Variants in ELF1 observed in about 807,000 individuals in gnomAD.
ELF1 encodes ETS-related transcription factor Elf-1.
ELF1 carries 24 observed loss-of-function variants against 59.9 expected under a neutral mutation model. The observed-to-expected ratio is 0.40, with a 90% CI of 0.29 to 0.56. ELF1 has a LOEUF of 0.56. Ranked by LOEUF, ELF1 falls within the 20% of genes least tolerant of loss-of-function variation. ELF1 has a pLI of 0.44. For missense variants in ELF1, 627 were observed against 742.2 expected, an observed-to-expected ratio of 0.84 and a Z score of 1.80; for synonymous variants, 248 against 266.2, an observed-to-expected ratio of 0.93 and a Z score of 0.67.
At chr13:40,948,492 C>A (rs1162173292) in intron 5 of ELF1, among the ~76,000 whole-genome samples, 1 of 152,242 alleles carries the variant, frequency 6.6e-6, no homozygotes, top group Non-Finnish European at 1.5e-5. Flanking sequence ...TTCTGAGCTG[C>A]TGCAGTGTCG....
intron 2 of ELF1, among the ~76,000 whole-genome samples, chr13:40,972,366 A>G (rs555087306): frequency 6.1e-4 from 93 of 152,372 alleles, no homozygotes; most frequent in Non-Finnish European, 8.2e-4. Context: ...TAAGTCCACC[A>G]GATTTTTAAA....
chr13:41,049,549 T>C (rs1163843200), intron 1 of ELF1, among the ~76,000 whole-genome samples: 2 of 152,190 alleles, frequency 1.3e-5, no homozygotes, highest in African/African-American at 4.8e-5. Context: ...CAGCCTCATC[T>C]CCCATTGCAT....
chr13:41,005,674 T>C (rs1874705720), intron 1 of ELF1, among the ~76,000 whole-genome samples: 1 of 152,100 alleles, frequency 6.6e-6, no homozygotes, highest in African/African-American at 2.4e-5. Flanking sequence ...TATTTACTCA[T>C]ATATATTCAA....
chr13:40,956,136 G>T (rs1344216917), intron 3 of ELF1, among the ~76,000 whole-genome samples: 1 of 150,246 alleles, frequency 6.7e-6, no homozygotes, highest in South Asian at 2.2e-4. Flanking sequence ...AGAAAGGGGG[G>T]AAAGGTGGGG....
chr13:40,984,507 G>A (rs748559539), intron 1 of ELF1, among the ~76,000 whole-genome samples: 18 of 152,286 alleles, frequency 1.2e-4, no homozygotes, highest in Non-Finnish European at 2.4e-4. Flanking sequence ...GTTCAAGGCC[G>A]TAGTGAGCCA....
rs193138575 is a variant in ELF1 at position 40,946,687 on chromosome 13, C to T, written c.530-2762G>A. ...CTTCCTCCTCCCTCCTCAGCCTAGC[C>T]AACATAAACACAACAAGCATGAAGA... On this transcript the variant is annotated intron_variant, in intron 5 of 8. Transcript: ENST00000239882. Among the ~76,000 whole-genome samples, 872 of 152,184 alleles carry T rather than the reference C, an allele frequency of 5.7e-3. 8 individuals carry two copies. The highest frequency in any genetic ancestry group is 0.014 in the South Asian group (69 of 4,808).
At chr13:41,042,687 T>C (rs1384289078) in intron 1 of ELF1, among the ~76,000 whole-genome samples, 1 of 152,214 alleles carries the variant, frequency 6.6e-6, no homozygotes, top group Non-Finnish European at 1.5e-5. Context: ...ATGTGCCACA[T>C]TTTCTTAATC....
rs1198800643 is a variant in ELF1 at position 41,060,917 on chromosome 13, C to CGCCGCT, written c.-309_-308insAGCGGC. 84 of 30,730 alleles carry CGCCGCT rather than the reference C, an allele frequency of 2.7e-3. 8 individuals carry two copies. The highest frequency in any genetic ancestry group is 0.013 in the Admixed American group (17 of 1,288). 1.9% of individuals were successfully genotyped at this position (30,730 alleles called of 1,614,324 possible). On this transcript the variant is annotated 5_prime_UTR_variant, in exon 1 of 2. Coordinates refer to the ELF1 transcript ENST00000405737. Reference sequence around the variant, plus strand: ...TCTGCGCTACTGAAGCTGCTGCTGCCGCCGCCGCCGCCGCCGCCGCCGCCG... The same window carrying CGCCGCT: ...TCTGCGCTACTGAAGCTGCTGCTGCCGCCGCTGCCGCCGCCGCCGCCGCCGCCGCCG...
chr13:40,934,051 G>A, intron 8 of ELF1, 23 bp from the exon 9 acceptor site: 2 of 1,585,168 alleles, frequency 1.3e-6, no homozygotes, highest in Non-Finnish European at 1.7e-6. Context: ...TGAAATTAAA[G>A]TGAGACAATT....
At chr13:40,941,642 C>G (rs1050797063) in intron 7 of ELF1, among the ~76,000 whole-genome samples, 1 of 152,112 alleles carries the variant, frequency 6.6e-6, no homozygotes, top group African/African-American at 2.4e-5. Context: ...CACTTTTCTT[C>G]CTCTTTCTGC....
At position 41,016,417 on chromosome 13, in the gene ELF1, C is replaced by A. The variant is rs114761939; in HGVS notation, c.-229+2811G>T. 7.6e-3 allele frequency among the ~76,000 whole-genome samples: 1,152 copies of A among 152,128 alleles called. 17 individuals are homozygous for A. Among genetic ancestry groups the A allele is most frequent in the African/African-American group, 0.025 (1,027 of 41,484 alleles). On this transcript the variant is annotated intron_variant, in intron 1 of 8. Coordinates refer to ENST00000239882, the MANE Select transcript of ELF1 (RefSeq NM_172373.4). ...AAGATTTTGTATATACCAAACAATT[C>A]TCTTATTTCAAAGGAGGAGGAGAAG...
chr13:40,991,586 CTT>C, intron 1 of ELF1, among the ~76,000 whole-genome samples: 1 of 151,070 alleles, frequency 6.6e-6, no homozygotes, highest in Non-Finnish European at 1.5e-5. Context: ...CCGTTACCAC[CTT>C]TTATTAAGTT....
At chr13:41,047,896 C>T (rs1400497726) in intron 1 of ELF1, among the ~76,000 whole-genome samples, 1 of 152,232 alleles carries the variant, frequency 6.6e-6, no homozygotes, top group South Asian at 2.1e-4. Context: ...CAGAGGCAGG[C>T]AGGCCTCCTT....
intron 5 of ELF1, among the ~76,000 whole-genome samples, chr13:40,949,571 T>C (rs1012743107): frequency 4.6e-5 from 7 of 151,984 alleles, no homozygotes; most frequent in Admixed American, 3.9e-4. Flanking sequence ...CCCAGGCTGG[T>C]CTCAAACTCC....
exon 1 of ELF1, chr13:41,060,878 T>TCGC (rs1316200982): frequency 1.2e-5 from 4 of 342,088 alleles, no homozygotes; most frequent in African/African-American, 2.3e-5. Context: ...GCCGCACCTC[T>TCGC]CGCCACCGCC....
chr13:41,021,492 T>A (rs181813139), upstream of ELF1, among the ~76,000 whole-genome samples: 978 of 152,172 alleles, frequency 6.4e-3, 7 homozygotes, highest in African/African-American at 0.014. Context: ...TCTCTGCATA[T>A]GAGAGGATCA....
chr13:41,058,179 T>C (rs1188594756), intron 1 of ELF1, among the ~76,000 whole-genome samples: 1 of 152,236 alleles, frequency 6.6e-6, no homozygotes, highest in Non-Finnish European at 1.5e-5. Context: ...ACATAAAATG[T>C]CACTCCTTGA....
chr13:41,024,643 C>T (rs1219470036), intron 1 of ELF1, among the ~76,000 whole-genome samples: 1 of 152,128 alleles, frequency 6.6e-6, no homozygotes, highest in Non-Finnish European at 1.5e-5. Flanking sequence ...TCCCAATGTG[C>T]TTGGATTACA....
At chr13:40,937,103 ATAT>A (rs1427881986) in intron 8 of ELF1, among the ~76,000 whole-genome samples, 6 of 152,242 alleles carry the variant, frequency 3.9e-5, no homozygotes, top group African/African-American at 7.2e-5. Context: ...ATTAAATAAA[ATAT>A]TATTAAGTCT....
Sources: gnomAD v4.1 joint callset for allele counts (sites outside exome capture counted in the v4.1 genomes callset) on GRCh38, gnomAD v4.1.1 for gene constraint, MANE v1.5 for transcripts, NCBI Gene and HGNC (gene_info 2026-07-23, HGNC 2026-07-21) for gene names.